GSE1: variants seen among roughly 807,000 people sequenced by gnomAD.
GSE1 encodes genetic suppressor element 1.
GSE1 carries 32 observed loss-of-function variants against 112.6 expected under a neutral mutation model. That is an observed-to-expected ratio of 0.28 (90% CI 0.21 to 0.38). The LOEUF (loss-of-function observed/expected upper bound fraction) is 0.38, where lower values mean the gene tolerates loss of function less well. Among genes scored for constraint, GSE1 ranks in the 10% least tolerant of loss-of-function variants. GSE1 has a pLI of 1.00. For synonymous variants in GSE1, 1,115 were observed against 735.6 expected, an observed-to-expected ratio of 1.52 and a Z score of -8.35; for missense variants, 2,348 against 1,699.2, an observed-to-expected ratio of 1.38 and a Z score of -6.71.
chr16:85,555,703 C>T (rs1422288212), upstream of GSE1: 1 of 763,090 alleles, frequency 1.3e-6, no homozygotes, highest in African/African-American at 2.3e-5. Flanking sequence ...CCTTCTGGTT[C>T]TGAACGTGAA....
chr16:85,378,781 C>T (rs536759366), intron 2 of GSE1, among the ~76,000 whole-genome samples: 3 of 152,280 alleles, frequency 2.0e-5, no homozygotes, highest in Admixed American at 6.5e-5. Context: ...TGCCAGTCCC[C>T]TCCCCACCTT....
chr16:85,648,486 C>T (rs960720585), intron 2 of GSE1, 66 bp from the exon 3 acceptor site: 7 of 800,826 alleles, frequency 8.7e-6, no homozygotes, highest in East Asian at 5.7e-5. Flanking sequence ...AGCCCAGGTC[C>T]CCAGCTGGCA....
At chr16:85,663,679 AGGTGGGGCC>A in intron 11 of GSE1, 65 bp downstream of exon 11, 1 of 1,507,790 alleles carries the variant, frequency 6.6e-7, no homozygotes. Flanking sequence ...CTGAAGCAGC[AGGTGGGGCC>A]GGTGGACTCC....
chr16:85,265,401 C>G (rs1016695610), intron 1 of GSE1, among the ~76,000 whole-genome samples: 1 of 152,188 alleles, frequency 6.6e-6, no homozygotes, highest in Admixed American at 6.5e-5. Flanking sequence ...CTGTCCTCCC[C>G]CTGTTGAGTC....
intron 1 of GSE1, among the ~76,000 whole-genome samples, chr16:85,229,818 C>T (rs916546301): frequency 2.6e-5 from 4 of 152,196 alleles, no homozygotes; most frequent in Non-Finnish European, 5.9e-5. Context: ...CTCATGGTTG[C>T]GAGATAGCTG....
At chr16:85,521,841 G>A (rs1045311088) in intron 2 of GSE1, among the ~76,000 whole-genome samples, 10 of 152,240 alleles carry the variant, frequency 6.6e-5, no homozygotes, top group Non-Finnish European at 1.5e-4. Flanking sequence ...TCAGCCCAGG[G>A]GGTCGTGGAG....
intron 2 of GSE1, among the ~76,000 whole-genome samples, chr16:85,423,621 G>A (rs969862830): frequency 2.0e-5 from 3 of 150,592 alleles, no homozygotes; most frequent in South Asian, 2.1e-4. Flanking sequence ...AAGAGAATGC[G>A]CAGTGGGGTA....
chr16:85,639,733 G>C (rs1233144673), intron 2 of GSE1, among the ~76,000 whole-genome samples: 1 of 152,260 alleles, frequency 6.6e-6, no homozygotes, highest in African/African-American at 2.4e-5. Flanking sequence ...CAGAGGGCAG[G>C]CCGTGGAGCC....
intron 8 of GSE1, among the ~76,000 whole-genome samples, chr16:85,660,532 G>A (rs1053245750): frequency 1.3e-5 from 2 of 152,138 alleles, no homozygotes; most frequent in South Asian, 2.1e-4. Context: ...CCAGCTACTC[G>A]GGAGGCTGAA....
At chr16:85,567,628 C>G (rs2045816036) in intron 1 of GSE1, among the ~76,000 whole-genome samples, 1 of 152,222 alleles carries the variant, frequency 6.6e-6, no homozygotes, top group Non-Finnish European at 1.5e-5. Context: ...CTTTTAGGGC[C>G]TAGCCTCGGA....
intron 2 of GSE1, among the ~76,000 whole-genome samples, chr16:85,423,057 G>C (rs1030579637): frequency 6.6e-6 from 1 of 152,246 alleles, no homozygotes; most frequent in Admixed American, 6.5e-5. Flanking sequence ...ATTGAGGTGA[G>C]GCTGGCCCCA....
At chr16:85,481,048 G>C (rs1198525984) in intron 2 of GSE1, among the ~76,000 whole-genome samples, 1 of 152,096 alleles carries the variant, frequency 6.6e-6, no homozygotes, top group Non-Finnish European at 1.5e-5. Context: ...TGGGCCGCTC[G>C]GCCTCCGGCC....
At chr16:85,184,271 C>T (rs368328770) in intron 1 of GSE1, among the ~76,000 whole-genome samples, 1 of 152,196 alleles carries the variant, frequency 6.6e-6, no homozygotes, top group Non-Finnish European at 1.5e-5. Flanking sequence ...AGAACCAATG[C>T]CTGTGGCTCC....
chr16:85,352,454 T>A (rs1222672908), intron 1 of GSE1, among the ~76,000 whole-genome samples: 4 of 152,192 alleles, frequency 2.6e-5, no homozygotes, highest in Non-Finnish European at 4.4e-5. Context: ...TGCTCTGAGA[T>A]GCCATGTTCT....
intron 1 of GSE1, among the ~76,000 whole-genome samples, chr16:85,603,265 C>T (rs1008964856): frequency 3.3e-5 from 5 of 152,194 alleles, no homozygotes; most frequent in African/African-American, 7.2e-5. Context: ...GAGAGGGCAC[C>T]GTGTCCGTGG....
intron 1 of GSE1, among the ~76,000 whole-genome samples, chr16:85,560,525 A>T (rs1281207446): frequency 1.3e-5 from 2 of 152,096 alleles, no homozygotes; most frequent in Non-Finnish European, 2.9e-5. Context: ...TTCACTGGCC[A>T]GGGGGAAATG....
intron 1 of GSE1, among the ~76,000 whole-genome samples, chr16:85,173,911 T>C (rs898977990): frequency 6.6e-6 from 1 of 152,186 alleles, no homozygotes; most frequent in Non-Finnish European, 1.5e-5. Context: ...AACAAGTTAG[T>C]GCATTCACTC....
At chr16:85,517,070 C>T (rs961910116) in intron 2 of GSE1, among the ~76,000 whole-genome samples, 6 of 152,162 alleles carry the variant, frequency 3.9e-5, no homozygotes, top group South Asian at 2.1e-4. Context: ...GTGCTGGCAT[C>T]ACAGGCGTGA....
intron 2 of GSE1, among the ~76,000 whole-genome samples, chr16:85,413,179 G>T (rs186239943): frequency 1.3e-5 from 2 of 152,198 alleles, no homozygotes; most frequent in Non-Finnish European, 1.5e-5. Flanking sequence ...TGGAAGTGCC[G>T]CTCCCATCCG....
Sources: allele counts gnomAD v4.1 joint callset (sites outside exome capture counted in the v4.1 genomes callset), GRCh38; gene constraint gnomAD v4.1.1; transcripts MANE v1.5; gene names NCBI Gene and HGNC (gene_info 2026-07-23, HGNC 2026-07-21).